NAV2: variants seen among roughly 807,000 people sequenced by gnomAD.
NAV2 encodes the protein neuron navigator 2.
In NAV2, 54 loss-of-function variants were observed where a neutral mutation model predicts 223.2. The ratio of observed to expected loss-of-function variants is 0.24; its 90% CI spans 0.19 to 0.30. The LOEUF is 0.30. Among genes scored for constraint, NAV2 ranks in the 10% least tolerant of loss-of-function variants. The pLI is 1.00. For synonymous variants in NAV2, 1,279 were observed against 1,239.3 expected (o/e 1.03, Z -0.67); for missense variants, 2,806 against 3,147.5 (o/e 0.89, Z 2.60).
chr11:19,754,242 C>T (rs541808257), intron 1 of NAV2, among the ~76,000 whole-genome samples: 14 of 152,242 alleles, frequency 9.2e-5, no homozygotes, highest in African/African-American at 3.1e-4. Context: ...AGTTGATATT[C>T]CCTTATCTTC....
chr11:19,626,329 G>T (rs1414142189), intron 1 of NAV2, among the ~76,000 whole-genome samples: 2 of 152,178 alleles, frequency 1.3e-5, no homozygotes, highest in African/African-American at 4.8e-5. Flanking sequence ...TCAAAAATCA[G>T]TTGGCTGTAG....
At chr11:19,710,560 A>G (rs765377020), upstream of NAV2, among the ~76,000 whole-genome samples, 1 of 152,244 alleles carries the variant, frequency 6.6e-6, no homozygotes, top group Non-Finnish European at 1.5e-5. Flanking sequence ...CTTTTGATTC[A>G]ATAGGTCTGG....
intron 3 of NAV2, among the ~76,000 whole-genome samples, chr11:19,844,077 A>G (rs758799722): frequency 3.9e-5 from 6 of 152,178 alleles, no homozygotes; most frequent in Admixed American, 1.3e-4. Flanking sequence ...TGATCCAAAG[A>G]CCAACCACTT....
At chr11:20,048,536 C>G (rs759470845) in intron 14 of NAV2, among the ~76,000 whole-genome samples, 192 bp from the exon 15 acceptor site, 3 of 152,212 alleles carry the variant, frequency 2.0e-5, no homozygotes, top group Non-Finnish European at 4.4e-5. Context: ...AGACGGCAGC[C>G]TGTGATGCAC....
chr11:20,033,597 C>T (rs1231555088), intron 11 of NAV2, among the ~76,000 whole-genome samples: 1 of 152,198 alleles, frequency 6.6e-6, no homozygotes, highest in African/African-American at 2.4e-5. Context: ...CTTTTGAGCC[C>T]TCACTCTCCC....
intron 1 of NAV2, among the ~76,000 whole-genome samples, chr11:19,742,538 G>A (rs567922565): frequency 1.5e-4 from 23 of 152,274 alleles, no homozygotes; most frequent in Admixed American, 2.6e-4. Context: ...ACTACGTGAG[G>A]CGCTCCAGGT....
At chr11:19,425,274 T>C (rs572280993) in intron 1 of NAV2, among the ~76,000 whole-genome samples, 51 of 152,352 alleles carry the variant, frequency 3.3e-4, no homozygotes, top group South Asian at 8.3e-4. Context: ...ATGTTATTCT[T>C]GGAGAAGAGC....
chr11:19,529,214 G>A (rs879772240), intron 1 of NAV2, among the ~76,000 whole-genome samples: 8 of 152,184 alleles, frequency 5.3e-5, no homozygotes, highest in Non-Finnish European at 1.0e-4. Context: ...CTGTTCCTTG[G>A]ATTAGCTCTT....
At chr11:19,725,476 G>A (rs532603455) in intron 1 of NAV2, among the ~76,000 whole-genome samples, 49 of 152,276 alleles carry the variant, frequency 3.2e-4, no homozygotes, top group Non-Finnish European at 5.9e-4. Flanking sequence ...AAAGTAACAC[G>A]GGGCCTTGGT....
chr11:19,489,323 A>G (rs138678527), intron 1 of NAV2, among the ~76,000 whole-genome samples: 2 of 152,206 alleles, frequency 1.3e-5, no homozygotes, highest in African/African-American at 2.4e-5. Flanking sequence ...AAGAAGGGCA[A>G]TGTGAAAATT....
chr11:19,914,638 G>A lies in NAV2; in HGVS notation c.932-18538G>A, dbSNP rs996740797. On this transcript the variant is annotated intron_variant, in intron 6 of 37. Transcript: ENST00000349880. ...CGGCTCACTGCAAGCTCCGCTTCCC[G>A]GGTTCACGCCATTCTCCTGCCTCAG... 1.1e-4 allele frequency among the ~76,000 whole-genome samples: 17 copies of A among 151,164 alleles called. 1 individual carries two copies. Among genetic ancestry groups the A allele is most frequent in the East Asian group, 7.8e-4 (4 of 5,106 alleles).
chr11:19,785,980 C>T (rs1394235638), intron 1 of NAV2, among the ~76,000 whole-genome samples: 1 of 152,092 alleles, frequency 6.6e-6, no homozygotes, highest in African/African-American at 2.4e-5. Flanking sequence ...GCACACCTAC[C>T]TTACACCAGG....
At chr11:19,720,068 C>T (rs1422557665) in intron 1 of NAV2, among the ~76,000 whole-genome samples, 2 of 152,180 alleles carry the variant, frequency 1.3e-5, no homozygotes, top group Admixed American at 6.5e-5. Context: ...TTTCTCCCAG[C>T]AGGCATGGTT....
intron 1 of NAV2, among the ~76,000 whole-genome samples, chr11:19,378,666 C>CT (rs34598716): frequency 0.15 from 22,324 of 151,792 alleles, 1,773 homozygotes; most frequent in Middle Eastern, 0.22. Context: ...TGTCATGAAA[C>CT]TGACTTCGTG....
upstream of NAV2, chr11:19,711,567 G>A (rs1020283182): frequency 6.6e-6 from 1 of 152,206 alleles, no homozygotes; most frequent in Non-Finnish European, 1.5e-5. Flanking sequence ...GGTTTAACAT[G>A]AATTCCAGGG....
intron 1 of NAV2, among the ~76,000 whole-genome samples, chr11:19,718,731 GTTAA>G (rs1430831725): frequency 6.6e-6 from 1 of 152,108 alleles, no homozygotes; most frequent in Non-Finnish European, 1.5e-5. Flanking sequence ...TACTCCATGG[GTTAA>G]TTTTCTAAAG....
At chr11:19,447,584 C>A (rs1286142412) in intron 1 of NAV2, among the ~76,000 whole-genome samples, 1 of 152,220 alleles carries the variant, frequency 6.6e-6, no homozygotes, top group Admixed American at 6.5e-5. Flanking sequence ...GTCTAGCATT[C>A]AGTGAGCTGC....
intron 1 of NAV2, among the ~76,000 whole-genome samples, chr11:19,499,670 C>T (rs1023458293): frequency 6.6e-6 from 1 of 152,140 alleles, no homozygotes; most frequent in Non-Finnish European, 1.5e-5. Flanking sequence ...GCATAACACC[C>T]ATCTTTCAGG....
intron 6 of NAV2, among the ~76,000 whole-genome samples, chr11:19,923,467 ACTGT>A (rs760272155): frequency 5.3e-5 from 8 of 151,900 alleles, no homozygotes; most frequent in Admixed American, 5.2e-4. Context: ...TCTTTCTTTT[ACTGT>A]CTATTTATAT....
Sources: allele counts gnomAD v4.1 joint callset (sites outside exome capture counted in the v4.1 genomes callset), GRCh38; gene constraint gnomAD v4.1.1; transcripts MANE v1.5; gene names NCBI Gene and HGNC (gene_info 2026-07-23, HGNC 2026-07-21).